ZNF365: variants seen among roughly 807,000 people sequenced by gnomAD.
The protein encoded by ZNF365 is zinc finger protein 365, also known as protein ZNF365.
Under a neutral mutation model 35.0 loss-of-function variants are expected in ZNF365, and 22 were observed. That is an observed-to-expected ratio of 0.63 (90% CI 0.45 to 0.90). ZNF365 has a LOEUF of 0.90. Ranked by LOEUF, ZNF365 falls within the 40% of genes least tolerant of loss-of-function variation. The pLI is 0.00. For synonymous variants in ZNF365, 188 were observed against 196.2 expected (o/e 0.96, Z 0.35); for missense variants, 448 against 500.3 (o/e 0.90, Z 1.00).
At chr10:62,433,218 C>A (rs1840359373) in intron 3 of ZNF365, among the ~76,000 whole-genome samples, 1 of 152,162 alleles carries the variant, frequency 6.6e-6, no homozygotes, top group Admixed American at 6.6e-5. Flanking sequence ...AGTTACTAAA[C>A]AGTTTAATGA....
rs548999137 is a variant in ZNF365 at position 62,399,742 on chromosome 10, C to T, written c.1177C>T (p.Pro393Ser). 29 of 1,613,960 alleles carry T rather than the reference C, an allele frequency of 1.8e-5. No homozygotes were observed. The South Asian group carries it at 3.2e-4, about 18-fold the overall frequency. Residue 393 changes from proline (P) to serine (S), a missense_variant, in exon 5 of 5, where the codon CCC becomes TCC. Pro to Ser is a moderately conservative substitution (Grantham distance 74). Coordinates refer to ENST00000395254, the MANE Select transcript of ZNF365 (RefSeq NM_014951.3). ...GTTTGGCCGCAAAGGCAACATCAGG[C>T]CCAAAATGGCTAAAAAAAAGCCAAC... ...LGFGRKGNIR[P>S]KMAKKKPTAI...
At chr10:62,406,214 C>T (rs1224140966), downstream of ZNF365, among the ~76,000 whole-genome samples, 1 of 152,176 alleles carries the variant, frequency 6.6e-6, no homozygotes, top group African/African-American at 2.4e-5. Context: ...GAGCTCTCTC[C>T]ATGCACTGCT....
chr10:62,471,536 C>A (rs1012931199), intron 4 of ZNF365, among the ~76,000 whole-genome samples: 1 of 152,046 alleles, frequency 6.6e-6, no homozygotes, highest in Non-Finnish European at 1.5e-5. Flanking sequence ...CTTGGAATAG[C>A]GAAAGGCAGT....
Position 62,417,443 on chromosome 10 carries a change from T to C in ZNF365, c.924+28867T>C, listed in dbSNP as rs967618504. Among the ~76,000 whole-genome samples the C allele has an allele frequency of 2.0e-5, 3 of 152,158 alleles. No individual in the cohort carries two copies. In the South Asian group the frequency reaches 6.2e-4, roughly 31 times the overall value. On this transcript the variant is annotated intron_variant, in intron 3 of 4. Transcript: ENST00000395255. ...TTGCTAATGCCGTGTTTGGTTCAGC[T>C]ACAGTTCATTCCTGCAGGCTTTACC... is the stretch of plus-strand genomic sequence containing the variant.
intron 3 of ZNF365, among the ~76,000 whole-genome samples, chr10:62,415,272 C>T (rs987480385): frequency 6.6e-6 from 1 of 152,006 alleles, no homozygotes; most frequent in Non-Finnish European, 1.5e-5. Flanking sequence ...ATTATATAGG[C>T]TCCAGATGAC....
chr10:62,458,611 A>C (rs1037231453), intron 3 of ZNF365, among the ~76,000 whole-genome samples: 1 of 152,066 alleles, frequency 6.6e-6, no homozygotes, highest in African/African-American at 2.4e-5. Flanking sequence ...CTACTGGCTT[A>C]ATTGAATACC....
At chr10:62,394,897 T>A (rs17220055) in intron 3 of ZNF365, among the ~76,000 whole-genome samples, 7,642 of 133,276 alleles carry the variant, frequency 0.057, 278 homozygotes, top group South Asian at 0.13. Flanking sequence ...AGAAGGGAGA[T>A]GAGGATCTAC....
At chr10:62,420,869 AC>A (rs1329266341) in intron 3 of ZNF365, among the ~76,000 whole-genome samples, 3 of 149,144 alleles carry the variant, frequency 2.0e-5, no homozygotes, top group Non-Finnish European at 4.4e-5. Context: ...TGCAACCTCC[AC>A]CTCCCTGGCT....
chr10:62,401,805 C>T lies in ZNF365; in HGVS notation c.*2016C>T, dbSNP rs992023053. 24 of 985,396 alleles carry T rather than the reference C, an allele frequency of 2.4e-5. No individual in the cohort carries two copies. The highest frequency in any genetic ancestry group is 2.1e-4 in the African/African-American group (12 of 57,228). 61.0% of individuals were successfully genotyped at this position (985,396 alleles called of 1,614,324 possible). A position where few individuals can be genotyped will look rare whatever the true frequency, so the allele number is the denominator to read the frequency against. ...TTGGATTTTCATCTAACATAGAGGG[C>T]ATGGCAACTCTCTTTGACAGTGGTA... On this transcript the variant is annotated 3_prime_UTR_variant, in exon 5 of 5. Coordinates refer to ENST00000395254, the MANE Select transcript of ZNF365 (RefSeq NM_014951.3).
chr10:62,386,431 T>G (rs1335025870), intron 2 of ZNF365, among the ~76,000 whole-genome samples: 1 of 152,220 alleles, frequency 6.6e-6, no homozygotes, highest in Non-Finnish European at 1.5e-5. Flanking sequence ...ATGGAATTAT[T>G]ATGGAATTAG....
chr10:62,409,219 T>G (rs1471421515), intron 3 of ZNF365, among the ~76,000 whole-genome samples: 1 of 151,972 alleles, frequency 6.6e-6, no homozygotes, highest in Admixed American at 6.6e-5. Context: ...TGGAAGAGAG[T>G]GGAGGCAGCA....
At chr10:62,403,573 G>A (rs1839863622), downstream of ZNF365, among the ~76,000 whole-genome samples, 2 of 152,212 alleles carry the variant, frequency 1.3e-5, no homozygotes, top group Admixed American at 1.3e-4. Context: ...CAGGAGAATG[G>A]CGTGAACCCG....
chr10:62,459,321 A>G (rs1159734331), intron 3 of ZNF365, among the ~76,000 whole-genome samples: 1 of 152,132 alleles, frequency 6.6e-6, no homozygotes, highest in Non-Finnish European at 1.5e-5. Flanking sequence ...TTCCAGCTGG[A>G]TCTTTTAATG....
At chr10:62,391,614 A>G (rs1408581499) in intron 3 of ZNF365, among the ~76,000 whole-genome samples, 1 of 152,248 alleles carries the variant, frequency 6.6e-6, no homozygotes, top group African/African-American at 2.4e-5. Flanking sequence ...CACGGTATAT[A>G]TAAACCACAA....
chr10:62,383,710 T>C (rs991468836), intron 2 of ZNF365, among the ~76,000 whole-genome samples: 1 of 152,240 alleles, frequency 6.6e-6, no homozygotes, highest in Non-Finnish European at 1.5e-5. Flanking sequence ...GGTCACATGA[T>C]AGCATGTCTT....
intron 4 of ZNF365, among the ~76,000 whole-genome samples, chr10:62,475,872 T>A (rs1379919574): frequency 6.6e-6 from 1 of 152,140 alleles, no homozygotes; most frequent in Non-Finnish European, 1.5e-5. Context: ...GGGGCTGGAT[T>A]GGAATTTTCT....
intron 4 of ZNF365, among the ~76,000 whole-genome samples, chr10:62,470,413 A>G (rs932341094): frequency 6.6e-6 from 1 of 152,216 alleles, no homozygotes; most frequent in African/African-American, 2.4e-5. Flanking sequence ...GATTTAGCAC[A>G]CTTCCTTATC....
chr10:62,397,273 CTTT>C (rs66507720), intron 3 of ZNF365, among the ~76,000 whole-genome samples: 1 of 149,508 alleles, frequency 6.7e-6, no homozygotes, highest in Non-Finnish European at 1.5e-5. Context: ...CCTGAGCCTC[CTTT>C]TTTTTTTTTA....
intron 3 of ZNF365, among the ~76,000 whole-genome samples, chr10:62,442,353 G>A (rs993250985): frequency 3.9e-5 from 6 of 152,226 alleles, no homozygotes; most frequent in South Asian, 2.1e-4. Flanking sequence ...ATCAAAGCCA[G>A]AGTGTAAATT....
Sources: allele counts gnomAD v4.1 joint callset (sites outside exome capture counted in the v4.1 genomes callset), GRCh38; gene constraint gnomAD v4.1.1; transcripts MANE v1.5; gene names NCBI Gene and HGNC (gene_info 2026-07-23, HGNC 2026-07-21).